AMBN: variants seen among roughly 807,000 people sequenced by gnomAD.
AMBN encodes enamel matrix protein.
A neutral mutation model predicts 48.0 loss-of-function variants in AMBN; 54 were observed. The ratio of observed to expected loss-of-function variants is 1.12; its 90% CI spans 0.90 to 1.41. AMBN has a LOEUF of 1.41. Ranked by LOEUF, AMBN falls within the 40% of genes most tolerant of loss-of-function variation. The pLI, the probability that AMBN is intolerant of heterozygous loss-of-function variation, is 0.00. For synonymous variants in AMBN, 186 were observed against 190.0 expected (o/e 0.98, Z 0.17); for missense variants, 571 against 547.3 (o/e 1.04, Z -0.43).
At chr4:70,597,342 A>T (rs1043791975) in intron 3 of AMBN, among the ~76,000 whole-genome samples, 6 of 150,944 alleles carry the variant, frequency 4.0e-5, no homozygotes, top group African/African-American at 1.4e-4. Context: ...TACCTTAATT[A>T]AAATACATTG....
chr4:70,597,184 T>C, intron 3 of AMBN, 135 bp downstream of exon 3: 1 of 649,780 alleles, frequency 1.5e-6, no homozygotes, highest in Non-Finnish European at 2.6e-6. Context: ...GCTAGAAAAG[T>C]TATGACATTT....
intron 3 of AMBN, 24 bp from the exon 4 acceptor site, chr4:70,598,332 T>A: frequency 6.4e-7 from 1 of 1,552,434 alleles, no homozygotes; most frequent in South Asian, 1.3e-5. Context: ...CGATAAACAG[T>A]AACCCACTTT....
intron 12 of AMBN, 121 bp from the exon 13 acceptor site, chr4:70,606,064 G>A (rs1241115998): frequency 1.2e-5 from 14 of 1,159,666 alleles, no homozygotes; most frequent in Non-Finnish European, 1.7e-5. Flanking sequence ...CTATCAATCA[G>A]CCAACTTCCT....
At position 70,602,642 on chromosome 4, in the gene AMBN, G is replaced by A; in HGVS notation, c.550G>A (p.Ala184Thr). The A allele has an allele frequency of 6.3e-7, 1 of 1,575,346 alleles. No individual in the cohort carries two copies. Residue 184 changes from alanine (A) to threonine (T), a missense_variant, in exon 7 of 13, where the codon GCT becomes ACT. Transcript: ENST00000322937. ...PKPELPGVDF[A>T]DPQGPSLPGM... ...GATATAGCTCCCAGGAGTAGATTTT[G>A]CTGATCCACAAGGTCCATCAGTAAG...
rs754691173 is a variant in AMBN at position 70,592,367 on chromosome 4, A to C, written c.9A>C (p.Ala3=). The C allele has an allele frequency of 6.2e-7, 1 of 1,614,068 alleles. No homozygotes were observed. Among genetic ancestry groups the C allele is most frequent in the East Asian group, 2.2e-5 (1 of 44,860 alleles). Residue 3 remains alanine, a synonymous_variant, in exon 1 of 13, where the codon GCA becomes GCC. Coordinates refer to ENST00000322937, the MANE Select transcript of AMBN (RefSeq NM_016519.6). ...CCCTGAGAGCACAGTGCATGTCAGC[A>C]TCTAAGGTAAAATGGGATTTTATGA... The part of the protein sequence containing the change: MS[A]SKIPLFKMKD...
intron 5 of AMBN, 119 bp downstream of exon 5, chr4:70,599,765 C>A: frequency 3.2e-6 from 2 of 624,222 alleles, no homozygotes; most frequent in Non-Finnish European, 5.2e-6. Flanking sequence ...AAAAATTATT[C>A]TCGTGCCAAA....
At position 70,601,636 on chromosome 4, in the gene AMBN, T is replaced by C; in HGVS notation, c.513T>C (p.Asp171=). 1 of 1,614,098 alleles carries C rather than the reference T, an allele frequency of 6.2e-7. No individual in the cohort carries two copies. The highest frequency in any genetic ancestry group is 8.5e-7 in the Non-Finnish European group (1 of 1,179,966). Residue 171 remains aspartate, a synonymous_variant, in exon 6 of 13, where the codon GAT becomes GAC. Transcript: ENST00000322937. The part of the protein sequence containing the change: ...PLVQQQVAPS[D]KPPKPELPGV... ...TTCAGCAGCAGGTGGCACCATCAGA[T>C]AAGCCACCAAAGCCTGAGGTACTTC...
At chr4:70,601,313 T>G in intron 5 of AMBN, 105 bp from the exon 6 acceptor site, 1 of 1,125,962 alleles carries the variant, frequency 8.9e-7, no homozygotes, top group Non-Finnish European at 1.3e-6. Context: ...TCTCCTAGCC[T>G]CCCTTCCAGA....
Position 70,593,387 on chromosome 4 carries a change from G to A in AMBN, c.76G>A (p.Ala26Thr). 1.2e-6 allele frequency: 2 copies of A among 1,611,820 alleles called. No individual in the cohort carries two copies. Among genetic ancestry groups the A allele is most frequent in the South Asian group, 2.2e-5 (2 of 90,934 alleles). ...LILCLLEMSF[A>T]VPFFPQQSGT... The stretch of plus-strand genomic sequence containing the variant: ...CCTATGCCTCCTGGAAATGAGTTTT[G>A]CAGTGCCGGTAAGTCAGTCTTTAGA... Residue 26 changes from alanine (A) to threonine (T), a missense_variant, in exon 2 of 13, where the codon GCA (alanine) becomes ACA (threonine). Physicochemically the swap from Ala to Thr is moderately conservative, Grantham distance 58 (BLOSUM62 0). Transcript: ENST00000322937.
chr4:70,598,298 C>A (rs1737434468), intron 3 of AMBN, 58 bp from the exon 4 acceptor site: 4 of 1,203,080 alleles, frequency 3.3e-6, no homozygotes, highest in South Asian at 3.7e-5. Context: ...CATGAGAAAT[C>A]AGTTGTGTCA....
chr4:70,598,163 AAT>A (rs1737428468), intron 3 of AMBN, among the ~76,000 whole-genome samples, 191 bp from the exon 4 acceptor site: 1 of 152,234 alleles, frequency 6.6e-6, no homozygotes, highest in Admixed American at 6.5e-5. Context: ...GCATTATTTT[AAT>A]AGCAATAATA....
chr4:70,603,512 G>C, intron 11 of AMBN, 52 bp downstream of exon 11: 1 of 1,554,308 alleles, frequency 6.4e-7, no homozygotes, highest in Non-Finnish European at 8.7e-7. Flanking sequence ...TTTATCTTAA[G>C]AGCTAAAATT....
intron 2 of AMBN, among the ~76,000 whole-genome samples, chr4:70,594,138 T>C (rs953512791): frequency 5.3e-5 from 8 of 152,202 alleles, no homozygotes; most frequent in Admixed American, 5.2e-4. Flanking sequence ...AGCTAGATAA[T>C]TCCATTTAAA....
intron 6 of AMBN, 39 bp downstream of exon 6, chr4:70,601,693 C>A: frequency 6.3e-7 from 1 of 1,586,770 alleles, no homozygotes; most frequent in Non-Finnish European, 8.6e-7. Flanking sequence ...GAATCACCAG[C>A]TAACCTAATA....
Position 70,598,402 on chromosome 4 carries a change from A to G in AMBN, c.182A>G (p.Gln61Arg). ...CTGCAGAGATTAAACACACTTTCTCAGGTAATCATATTTCTTATTGCAAGT... is the reference window on the plus strand; with the variant it reads ...CTGCAGAGATTAAACACACTTTCTCGGGTAATCATATTTCTTATTGCAAGT... ...GSLQRLNTLS[Q>R]YSRYGFGKSF... Residue 61 changes from glutamine (Q) to arginine (R), a missense_variant and splice_region_variant, in exon 4 of 13, where the codon CAG (glutamine) becomes CGG (arginine). Transcript: ENST00000322937. 6.3e-7 allele frequency: 1 copy of G among 1,586,474 alleles called. No homozygotes were observed.
intron 5 of AMBN, among the ~76,000 whole-genome samples, chr4:70,601,160 C>T (rs1261052470): frequency 2.0e-5 from 3 of 152,140 alleles, no homozygotes; most frequent in African/African-American, 4.8e-5. Flanking sequence ...AAGGACATGA[C>T]TCATCCTACC....
chr4:70,602,477 A>G, intron 6 of AMBN, 147 bp from the exon 7 acceptor site: 3 of 593,374 alleles, frequency 5.1e-6, no homozygotes, highest in Non-Finnish European at 8.3e-6. Context: ...AAGTAAAATA[A>G]TGAAACTCAT....
chr4:70,599,765 C>G (rs1737477719), intron 5 of AMBN, 119 bp downstream of exon 5: 2 of 624,106 alleles, frequency 3.2e-6, no homozygotes, highest in African/African-American at 3.7e-5. Context: ...AAAAATTATT[C>G]TCGTGCCAAA....
intron 2 of AMBN, among the ~76,000 whole-genome samples, chr4:70,594,546 T>C (rs774596022): frequency 6.6e-6 from 1 of 152,198 alleles, no homozygotes; most frequent in African/African-American, 2.4e-5. Flanking sequence ...GGTTAGCTAC[T>C]TGGTCTTCTT....
Sources: allele counts gnomAD v4.1 joint callset (sites outside exome capture counted in the v4.1 genomes callset), GRCh38; gene constraint gnomAD v4.1.1; transcripts MANE v1.5; gene names NCBI Gene and HGNC (gene_info 2026-07-23, HGNC 2026-07-21).